Variants in CDC42SE2 observed in about 807,000 individuals in gnomAD.
CDC42SE2 encodes the protein CDC42 small effector protein 2.
Under a neutral mutation model 11.5 loss-of-function variants are expected in CDC42SE2, and 3 were observed. That is an observed-to-expected ratio of 0.26 (90% CI 0.12 to 0.67). The LOEUF (loss-of-function observed/expected upper bound fraction) is 0.67. Ranked by LOEUF, CDC42SE2 falls within the 30% of genes least tolerant of loss-of-function variation. The pLI is 0.80. For synonymous variants in CDC42SE2, 33 were observed against 34.8 expected, an observed-to-expected ratio of 0.95 and a Z score of 0.18; for missense variants, 82 against 106.8, an observed-to-expected ratio of 0.77 and a Z score of 1.02.
At chr5:131,348,312 T>C (rs1190398186) in intron 2 of CDC42SE2, among the ~76,000 whole-genome samples, 1 of 152,114 alleles carries the variant, frequency 6.6e-6, no homozygotes, top group Non-Finnish European at 1.5e-5. Context: ...CGATACAAAA[T>C]CAATGTGCAA....
chr5:131,243,367 C>T (rs889263379), upstream of CDC42SE2, among the ~76,000 whole-genome samples: 5 of 152,168 alleles, frequency 3.3e-5, no homozygotes, highest in Admixed American at 6.5e-5. Flanking sequence ...ATCACGAGGT[C>T]AGGAGCTCGA....
the CDC42SE2 span, among the ~76,000 whole-genome samples, chr5:131,236,956 T>C: frequency 6.6e-6 from 1 of 152,186 alleles, no homozygotes; most frequent in Non-Finnish European, 1.5e-5. Context: ...ATAGACAGAG[T>C]TCCCATTCAT....
chr5:131,251,972 G>A (rs959806013), intron 1 of CDC42SE2, among the ~76,000 whole-genome samples: 1 of 151,816 alleles, frequency 6.6e-6, no homozygotes, highest in Admixed American at 6.6e-5. Context: ...CCATGATTGT[G>A]CCACTGCACT....
At chr5:131,298,671 G>C (rs780508849) in intron 1 of CDC42SE2, among the ~76,000 whole-genome samples, 2 of 151,650 alleles carry the variant, frequency 1.3e-5, no homozygotes, top group African/African-American at 2.4e-5. Context: ...TAGTGGCTTT[G>C]TTACCACCAT....
chr5:131,286,039 G>A (rs1757332558), intron 1 of CDC42SE2, among the ~76,000 whole-genome samples: 2 of 147,502 alleles, frequency 1.4e-5, no homozygotes, highest in Admixed American at 7.4e-5. Context: ...GAAAGTCTGG[G>A]AAATGTAGCT....
At chr5:131,371,007 C>G (rs1203539432) in intron 3 of CDC42SE2, among the ~76,000 whole-genome samples, 1 of 152,036 alleles carries the variant, frequency 6.6e-6, no homozygotes, top group Non-Finnish European at 1.5e-5. Flanking sequence ...TAGGGTGAGA[C>G]TAGGTAGTGC....
intron 2 of CDC42SE2, among the ~76,000 whole-genome samples, chr5:131,323,876 A>C (rs755503746): frequency 9.2e-5 from 14 of 152,196 alleles, no homozygotes; most frequent in Non-Finnish European, 1.6e-4. Flanking sequence ...TAAATTGTTC[A>C]AGAGCAAGAT....
the CDC42SE2 span, among the ~76,000 whole-genome samples, chr5:131,238,718 A>T: frequency 1.3e-5 from 2 of 151,814 alleles, no homozygotes; most frequent in Non-Finnish European, 2.9e-5. Context: ...TATAATCTGT[A>T]CTCTAATAAG....
chr5:131,295,193 G>T (rs1212329983), intron 1 of CDC42SE2, among the ~76,000 whole-genome samples: 2 of 150,200 alleles, frequency 1.3e-5, no homozygotes, highest in Non-Finnish European at 3.0e-5. Flanking sequence ...TGAGGCATGA[G>T]AATCACTTGA....
At chr5:131,359,760 C>T (rs530571584) in intron 3 of CDC42SE2, among the ~76,000 whole-genome samples, 9 of 152,200 alleles carry the variant, frequency 5.9e-5, no homozygotes, top group African/African-American at 1.9e-4. Context: ...GACCATTCAT[C>T]GTACATGACT....
chr5:131,387,002 C>T (rs1159396999), intron 4 of CDC42SE2, among the ~76,000 whole-genome samples: 3 of 152,158 alleles, frequency 2.0e-5, no homozygotes, highest in Admixed American at 2.0e-4. Context: ...TGTTTTAAAT[C>T]CGTAGGAAAA....
intron 1 of CDC42SE2, among the ~76,000 whole-genome samples, chr5:131,249,083 T>C (rs1215503578): frequency 6.8e-6 from 1 of 147,384 alleles, no homozygotes; most frequent in Non-Finnish European, 1.5e-5. Context: ...AGTGGTGCAG[T>C]CTTGGCTCAC....
intron 1 of CDC42SE2, among the ~76,000 whole-genome samples, chr5:131,252,518 G>T (rs142739316): frequency 0.013 from 2,028 of 152,228 alleles, 35 homozygotes; most frequent in African/African-American, 0.043. Flanking sequence ...TTAGCCGGGC[G>T]TGGTGGCGTG....
chr5:131,335,857 T>G (rs1462626926), intron 2 of CDC42SE2, among the ~76,000 whole-genome samples: 1 of 152,256 alleles, frequency 6.6e-6, no homozygotes, highest in Admixed American at 6.5e-5. Flanking sequence ...TGAGCCTGTG[T>G]GTTTCTCTGC....
chr5:131,375,182 A>G (rs1000736689), intron 3 of CDC42SE2, among the ~76,000 whole-genome samples: 1 of 152,112 alleles, frequency 6.6e-6, no homozygotes, highest in Non-Finnish European at 1.5e-5. Context: ...AGTTCCTTCA[A>G]TTTTGCTTTT....
At chr5:131,227,706 T>C in the CDC42SE2 span, among the ~76,000 whole-genome samples, 2 of 152,184 alleles carry the variant, frequency 1.3e-5, no homozygotes, top group Non-Finnish European at 2.9e-5. Flanking sequence ...GATAGTTCAA[T>C]AACTTCCAGA....
chr5:131,218,234 A>G, the CDC42SE2 span, among the ~76,000 whole-genome samples: 250 of 151,876 alleles, frequency 1.6e-3, 1 homozygote, highest in African/African-American at 5.6e-3. Context: ...TGAGCATAAG[A>G]CTTGAGTAGA....
At chr5:131,310,514 G>A (rs1429966748) in intron 1 of CDC42SE2, among the ~76,000 whole-genome samples, 1 of 151,956 alleles carries the variant, frequency 6.6e-6, no homozygotes, top group Non-Finnish European at 1.5e-5. Flanking sequence ...TTGACTTTCT[G>A]TCTCATTGAT....
At chr5:131,289,685 AAG>A (rs1266360470) in intron 1 of CDC42SE2, among the ~76,000 whole-genome samples, 1 of 152,036 alleles carries the variant, frequency 6.6e-6, no homozygotes, top group Admixed American at 6.6e-5. Context: ...AAAAAAAAAA[AAG>A]AGTTTGTAGC....
Sources: gnomAD v4.1 joint callset for allele counts (sites outside exome capture counted in the v4.1 genomes callset) on GRCh38, gnomAD v4.1.1 for gene constraint, MANE v1.5 for transcripts, NCBI Gene and HGNC (gene_info 2026-07-23, HGNC 2026-07-21) for gene names.